COL4A2: variants seen among roughly 807,000 people sequenced by gnomAD.
COL4A2 encodes collagen alpha-2(IV) chain.
Under a neutral mutation model 200.2 loss-of-function variants are expected in COL4A2, and 99 were observed. The ratio of observed to expected loss-of-function variants is 0.49; its 90% confidence interval spans 0.42 to 0.58. COL4A2 has a LOEUF of 0.58. COL4A2 is among the 20% of genes least tolerant of loss of function. COL4A2 has a pLI of 0.00. For synonymous variants in COL4A2, 897 were observed against 900.6 expected (o/e 1.00, Z 0.07); for missense variants, 1,950 against 2,314.1 (o/e 0.84, Z 3.23).
At position 110,308,078 on chromosome 13, in the gene COL4A2, G is replaced by A; in HGVS notation, c.54G>A (p.Leu18=). Residue 18 remains leucine (L), a synonymous_variant, in exon 3 of 48, where the codon CTG becomes CTA. Coordinates refer to ENST00000360467, the MANE Select transcript of COL4A2 (RefSeq NM_001846.4). The stretch of plus-strand genomic sequence containing the variant: ...TCCCTTTCCCATGCAGGTGGCTGCT[G>A]CTGGGGACAGTGACCGTGGGGTTCC... The part of the protein sequence containing the change: ...VAGPALRRWL[L]LGTVTVGFLA... The A allele has an allele frequency of 6.2e-7, 1 of 1,613,868 alleles. No homozygotes were observed. The highest frequency in any genetic ancestry group is 8.5e-7 in the Non-Finnish European group (1 of 1,180,020).
chr13:110,397,227 G>A (rs567291651), intron 4 of COL4A2, among the ~76,000 whole-genome samples: 4 of 152,316 alleles, frequency 2.6e-5, no homozygotes, highest in South Asian at 2.1e-4. Flanking sequence ...TTACAAATGC[G>A]TCAGAACAGT....
chr13:110,463,689 C>A (rs1360306134), intron 24 of COL4A2, among the ~76,000 whole-genome samples: 1 of 152,190 alleles, frequency 6.6e-6, no homozygotes, highest in Non-Finnish European at 1.5e-5. Flanking sequence ...CACACCAGCA[C>A]ACCCACCTAA....
intron 3 of COL4A2, among the ~76,000 whole-genome samples, chr13:110,312,895 G>T (rs1341450079): frequency 1.3e-5 from 2 of 152,224 alleles, no homozygotes; most frequent in African/African-American, 4.8e-5. Flanking sequence ...ATGTTGTGTG[G>T]AATGGATCTC....
intron 4 of COL4A2, among the ~76,000 whole-genome samples, chr13:110,398,471 C>G (rs911224717): frequency 1.3e-5 from 2 of 152,106 alleles, no homozygotes; most frequent in African/African-American, 2.4e-5. Context: ...CCAGCCCGGT[C>G]AACATGGTGA....
In COL4A2 at chr13:110,457,296, C is replaced by T. The variant is rs112389576; in HGVS notation, c.1340-47C>T. ...GATGCCCTGCGTCTGCGTGGGACCC[C>T]AGGCGTCCGTGGGGCTCATGCCCTG... On this transcript the variant is annotated intron_variant, in intron 20 of 47. Transcript: ENST00000360467. 5.9e-5 allele frequency: 66 copies of T among 1,127,060 alleles called. No homozygotes were observed. In the African/African-American group the frequency reaches 7.7e-4, roughly 13 times the overall value. 69.8% of individuals were successfully genotyped at this position (1,127,060 alleles called of 1,614,324 possible). A position where few individuals can be genotyped will look rare whatever the true frequency, so the allele number is the denominator to read the frequency against.
At chr13:110,480,456 A>G in intron 31 of COL4A2, 66 bp downstream of exon 31, 1 of 1,502,552 alleles carries the variant, frequency 6.7e-7, no homozygotes, top group Non-Finnish European at 8.9e-7. Flanking sequence ...CTCTGACCTG[A>G]GACAGCTCTG....
At chr13:110,473,961 C>CAAAA (rs10626415) in intron 29 of COL4A2, among the ~76,000 whole-genome samples, 1 of 146,446 alleles carries the variant, frequency 6.8e-6, no homozygotes, top group East Asian at 2.0e-4. Flanking sequence ...CCCATTTCTA[C>CAAAA]AAAAAAAAAA....
At chr13:110,311,520 G>A (rs532654899) in intron 3 of COL4A2, among the ~76,000 whole-genome samples, 5 of 152,132 alleles carry the variant, frequency 3.3e-5, no homozygotes, top group Admixed American at 1.3e-4. Flanking sequence ...CCCCCAAAAC[G>A]GAGGTGTTAC....
intron 3 of COL4A2, among the ~76,000 whole-genome samples, chr13:110,309,924 G>A (rs1346723364): frequency 6.6e-6 from 1 of 152,218 alleles, no homozygotes; most frequent in African/African-American, 2.4e-5. Flanking sequence ...CCAGGAGGCC[G>A]AGGTTGCAGT....
At chr13:110,495,061 G>T (rs534702242) in intron 39 of COL4A2, among the ~76,000 whole-genome samples, 1 of 152,224 alleles carries the variant, frequency 6.6e-6, no homozygotes, top group African/African-American at 2.4e-5. Flanking sequence ...CCCGGGAGGG[G>T]TCCCAGCTCC....
At chr13:110,505,161 T>TA (rs1883807974) in intron 45 of COL4A2, among the ~76,000 whole-genome samples, 2 of 150,942 alleles carry the variant, frequency 1.3e-5, no homozygotes, top group East Asian at 2.0e-4. Flanking sequence ...CCATCCTGGC[T>TA]AACACGGTGA....
intron 41 of COL4A2, 125 bp from the exon 42 acceptor site, chr13:110,502,996 C>G: frequency 1.1e-6 from 1 of 872,322 alleles, no homozygotes; most frequent in African/African-American, 1.7e-5. Context: ...AAAACATAGA[C>G]AAAGTCATTC....
At chr13:110,384,516 C>T (rs1031947112) in intron 4 of COL4A2, among the ~76,000 whole-genome samples, 11 of 152,212 alleles carry the variant, frequency 7.2e-5, no homozygotes, top group Admixed American at 2.6e-4. Context: ...AGTCCCCCTG[C>T]TCCTCCAACA....
intron 3 of COL4A2, among the ~76,000 whole-genome samples, chr13:110,331,732 A>G (rs1388677253): frequency 6.6e-6 from 1 of 152,150 alleles, no homozygotes; most frequent in Non-Finnish European, 1.5e-5. Flanking sequence ...TACTCTCACA[A>G]TGTTTGCCTT....
chr13:110,315,152 A>G (rs1373765085), intron 3 of COL4A2, among the ~76,000 whole-genome samples: 3 of 151,648 alleles, frequency 2.0e-5, no homozygotes, highest in Non-Finnish European at 4.4e-5. Context: ...TCCAGGCCTT[A>G]GCCCCGGGGG....
intron 3 of COL4A2, among the ~76,000 whole-genome samples, chr13:110,317,688 C>G (rs982565798): frequency 3.9e-5 from 6 of 152,214 alleles, no homozygotes; most frequent in South Asian, 4.1e-4. Flanking sequence ...CCTGCAGACA[C>G]AACCCCCAAC....
chr13:110,485,113 C>A, intron 33 of COL4A2, 86 bp downstream of exon 33: 1 of 1,220,562 alleles, frequency 8.2e-7, no homozygotes, highest in Non-Finnish European at 1.1e-6. Flanking sequence ...TCCCCAGAGA[C>A]GCCCGTGCCC....
Position 110,442,087 on chromosome 13 carries a change from C to CAAAA in COL4A2, c.957+2279_957+2282dup, listed in dbSNP as rs10530153. ...GGAGAGACAGTGAGACTCTCTGTCT[C>CAAAA]AAAAAAAAAAAAAAAAAAAAAAAAA... On this transcript the variant is annotated intron_variant, in intron 16 of 47. Transcript: ENST00000360467. Among the ~76,000 whole-genome samples, 29 of 47,634 alleles carry CAAAA rather than the reference C, an allele frequency of 6.1e-4. 3 individuals carry two copies. The highest frequency in any genetic ancestry group is 1.7e-3 in the African/African-American group (15 of 8,966). The allele number at this position is 47,634 out of a possible 152,430, so 31.2% of individuals were successfully genotyped here.
chr13:110,504,159 G>C lies in COL4A2; in HGVS notation c.4297G>C (p.Ala1433Pro), dbSNP rs777115586. Residue 1433 changes from alanine to proline, a missense_variant, in exon 45 of 48, where the codon GCT becomes CCT. This residue lies in a region of COL4A2 where 1,385 missense variants were observed against 1,720.5 expected (regional missense o/e 0.80). Coordinates refer to ENST00000360467, the MANE Select transcript of COL4A2 (RefSeq NM_001846.4). ...TTGGTGGCTTGCAGGTTTCCGTGGG[G>C]CTCCAGGGAAAGCTGGGCCCCAAGG... is the stretch of plus-strand genomic sequence containing the variant. ...GPPGEPGFRG[A>P]PGKAGPQGRG... is the part of the protein sequence containing the mutation. The C allele has an allele frequency of 1.2e-6, 2 of 1,614,038 alleles. No individual in the cohort carries two copies. The highest frequency in any genetic ancestry group is 2.7e-5 in the African/African-American group (2 of 74,944).
Sources: gnomAD v4.1 joint callset for allele counts (sites outside exome capture counted in the v4.1 genomes callset) on GRCh38, gnomAD v4.1.1 for gene constraint, gnomAD v4.1.1 regional missense constraint, MANE v1.5 for transcripts, NCBI Gene and HGNC (gene_info 2026-07-23, HGNC 2026-07-21) for gene names.